Variants in PPP2R2B observed in about 807,000 individuals in gnomAD.
PPP2R2B encodes protein phosphatase 2 regulatory subunit Bbeta.
A neutral mutation model predicts 46.0 loss-of-function variants in PPP2R2B; 5 were observed. That is an observed-to-expected ratio of 0.11 (90% CI 0.06 to 0.23). The LOEUF (loss-of-function observed/expected upper bound fraction) is 0.23. Among genes scored for constraint, PPP2R2B ranks in the 10% least tolerant of loss-of-function variants. PPP2R2B has a pLI of 1.00. For missense variants in PPP2R2B, 367 were observed against 575.0 expected, an observed-to-expected ratio of 0.64 and a Z score of 3.70; for synonymous variants, 215 against 206.7, an observed-to-expected ratio of 1.04 and a Z score of -0.34.
chr5:146,862,179 C>T (rs924501388), intron 2 of PPP2R2B, among the ~76,000 whole-genome samples: 11 of 152,144 alleles, frequency 7.2e-5, no homozygotes, highest in Non-Finnish European at 1.6e-4. Context: ...CTGGCTTTAC[C>T]TCATTCAGAG....
chr5:147,053,545 A>AACACACACACACACACACACAC (rs5872002), intron 1 of PPP2R2B, among the ~76,000 whole-genome samples: 3 of 148,532 alleles, frequency 2.0e-5, no homozygotes, highest in Admixed American at 6.7e-5. Context: ...CAACAATATA[A>AACACACACACACACACACACAC]ACACACACAC....
At chr5:146,861,273 G>T (rs929814727) in intron 2 of PPP2R2B, among the ~76,000 whole-genome samples, 1 of 151,940 alleles carries the variant, frequency 6.6e-6, no homozygotes. Context: ...AGCCAGGATG[G>T]TGTCGATCTC....
chr5:147,008,169 T>G (rs1425879971), intron 1 of PPP2R2B, among the ~76,000 whole-genome samples: 1 of 152,142 alleles, frequency 6.6e-6, no homozygotes, highest in South Asian at 2.1e-4. Context: ...ATGACATTCA[T>G]TGGATCTTGA....
chr5:146,598,661 A>T (rs3096089), intron 8 of PPP2R2B, among the ~76,000 whole-genome samples: 1 of 151,990 alleles, frequency 6.6e-6, no homozygotes, highest in African/African-American at 2.4e-5. Flanking sequence ...GTAATCCTTG[A>T]TGCTTCTTTC....
At chr5:146,894,201 A>G (rs1335505162) in intron 1 of PPP2R2B, among the ~76,000 whole-genome samples, 31 of 152,230 alleles carry the variant, frequency 2.0e-4, no homozygotes, top group Non-Finnish European at 1.5e-5. Context: ...ATCATTTCCT[A>G]AAGTGCAGAT....
intron 1 of PPP2R2B, among the ~76,000 whole-genome samples, chr5:147,036,564 G>A (rs890486591): frequency 3.3e-5 from 5 of 152,108 alleles, no homozygotes; most frequent in Admixed American, 6.5e-5. Context: ...TGGTAGTTCT[G>A]CTTCTAAGAC....
At chr5:146,906,997 G>A (rs993804413) in intron 1 of PPP2R2B, among the ~76,000 whole-genome samples, 3 of 152,156 alleles carry the variant, frequency 2.0e-5, no homozygotes, top group East Asian at 1.9e-4. Context: ...GGAAGGGGGC[G>A]CTGCAGGGAC....
rs186796952 is a variant in PPP2R2B at position 146,906,640 on chromosome 5, T to C, written c.79+149025A>G. On this transcript the variant is annotated intron_variant, in intron 1 of 8. Coordinates refer to the PPP2R2B transcript ENST00000336640. ...CCTGGCCTTTTTCTTTTATTTTTAATTGACACATAATGATTATGCATCATC... is the reference window on the plus strand; with the variant it reads ...CCTGGCCTTTTTCTTTTATTTTTAACTGACACATAATGATTATGCATCATC... Among the ~76,000 whole-genome samples, 996 of 152,294 alleles carry C rather than the reference T, an allele frequency of 6.5e-3. 5 individuals carry two copies. Among genetic ancestry groups the C allele is most frequent in the Non-Finnish European group, 9.8e-3 (664 of 68,022 alleles).
At chr5:147,043,879 G>C (rs555240190) in intron 1 of PPP2R2B, among the ~76,000 whole-genome samples, 1 of 152,026 alleles carries the variant, frequency 6.6e-6, no homozygotes, top group African/African-American at 2.4e-5. Context: ...TCTCAGAAGC[G>C]GGAGAACAGA....
chr5:147,009,300 C>T (rs1449568461), intron 1 of PPP2R2B, among the ~76,000 whole-genome samples: 2 of 152,118 alleles, frequency 1.3e-5, no homozygotes, highest in African/African-American at 4.8e-5. Flanking sequence ...CCTGGCTTCA[C>T]ATTATTTTCC....
chr5:146,817,280 T>C (rs1373161496), intron 2 of PPP2R2B, among the ~76,000 whole-genome samples: 1 of 152,152 alleles, frequency 6.6e-6, no homozygotes, highest in Non-Finnish European at 1.5e-5. Flanking sequence ...ACATTCCCAA[T>C]GTCATCAACC....
chr5:147,025,270 T>C (rs1755471920), intron 1 of PPP2R2B, among the ~76,000 whole-genome samples: 1 of 152,024 alleles, frequency 6.6e-6, no homozygotes, highest in Admixed American at 6.6e-5. Context: ...GGAATCACAT[T>C]TTTAATAATA....
At chr5:147,045,152 C>T (rs1346653559) in intron 1 of PPP2R2B, among the ~76,000 whole-genome samples, 1 of 152,192 alleles carries the variant, frequency 6.6e-6, no homozygotes, top group Non-Finnish European at 1.5e-5. Flanking sequence ...TACAACTCTA[C>T]ATAATGTAAC....
chr5:146,960,847 G>C (rs1208609159), intron 1 of PPP2R2B, among the ~76,000 whole-genome samples: 1 of 151,970 alleles, frequency 6.6e-6, no homozygotes, highest in Non-Finnish European at 1.5e-5. Flanking sequence ...TTTTCGTTGT[G>C]GAAGGTACAC....
At chr5:146,789,483 C>T (rs1756053003) in intron 2 of PPP2R2B, among the ~76,000 whole-genome samples, 1 of 151,926 alleles carries the variant, frequency 6.6e-6, no homozygotes, top group Non-Finnish European at 1.5e-5. Context: ...GTGAAACAGC[C>T]AAAGAAATAA....
At chr5:146,986,734 T>A (rs1580757586) in intron 1 of PPP2R2B, among the ~76,000 whole-genome samples, 1 of 151,726 alleles carries the variant, frequency 6.6e-6, no homozygotes, top group Non-Finnish European at 1.5e-5. Context: ...GCAAAAAGAA[T>A]GCAAAAGGAC....
intron 2 of PPP2R2B, chr5:147,080,969 A>G: frequency 2.4e-6 from 3 of 1,269,176 alleles, no homozygotes; most frequent in Non-Finnish European, 3.3e-6. Flanking sequence ...GGGGACTTAG[A>G]TTCATGAAAG....
chr5:146,877,961 C>A (rs769966268), intron 2 of PPP2R2B, 41 bp downstream of exon 2: 3 of 1,594,244 alleles, frequency 1.9e-6, no homozygotes, highest in Admixed American at 1.7e-5. Context: ...CCGCAACTTG[C>A]GCCCGGCCCC....
intron 2 of PPP2R2B, among the ~76,000 whole-genome samples, chr5:146,775,582 T>C (rs1755133512): frequency 6.6e-6 from 1 of 152,132 alleles, no homozygotes; most frequent in Non-Finnish European, 1.5e-5. Flanking sequence ...AGATGCCTGC[T>C]TTTATCACTT....
Sources: gnomAD v4.1 joint callset for allele counts (sites outside exome capture counted in the v4.1 genomes callset) on GRCh38, gnomAD v4.1.1 for gene constraint, MANE v1.5 for transcripts, NCBI Gene and HGNC (gene_info 2026-07-23, HGNC 2026-07-21) for gene names.